KCNJ4: variants seen among roughly 807,000 people sequenced by gnomAD.
KCNJ4 encodes inward rectifier potassium channel 4.
KCNJ4 carries 3 observed loss-of-function variants against 25.6 expected under a neutral mutation model. That is an observed-to-expected ratio of 0.12 (90% CI 0.05 to 0.30). The LOEUF (loss-of-function observed/expected upper bound fraction) is 0.30. KCNJ4 is among the 10% of genes least tolerant of loss of function. The pLI, the probability that KCNJ4 is intolerant of heterozygous loss-of-function variation, is 1.00. For missense variants in KCNJ4, 286 were observed against 666.8 expected (o/e 0.43, Z 6.29); for synonymous variants, 257 against 283.9 (o/e 0.91, Z 0.95).
intron 1 of KCNJ4, among the ~76,000 whole-genome samples, chr22:38,436,663 CATCGCA>C (rs1275157578): frequency 6.6e-6 from 1 of 152,200 alleles, no homozygotes; most frequent in Non-Finnish European, 1.5e-5. Context: ...AGCCCTCTGA[CATCGCA>C]AAAATTCAGG....
chr22:38,453,097 C>T (rs868686464), intron 1 of KCNJ4, among the ~76,000 whole-genome samples: 6 of 152,022 alleles, frequency 3.9e-5, no homozygotes, highest in Middle Eastern at 3.4e-3. Context: ...TCCTCCTCCC[C>T]TTCCTTCTTA....
rs1399107084 is a variant in KCNJ4, at chr22:38,455,192, C to T, written c.-252G>A. On this transcript the variant is annotated 5_prime_UTR_variant, in exon 1 of 2. Coordinates refer to ENST00000303592, the MANE Select transcript of KCNJ4 (RefSeq NM_152868.3). The stretch of plus-strand genomic sequence containing the variant: ...CTCCGCGCGTCCCGGCCGTCCCGCG[C>T]CGCTCCCCGCGGGCCGCCCAACTTT... 1 of 148,062 alleles carries T rather than the reference C, an allele frequency of 6.8e-6. No individual in the cohort carries two copies. Among genetic ancestry groups the T allele is most frequent in the Non-Finnish European group, 1.5e-5 (1 of 66,554 alleles). The allele number at this position is 148,062 out of a possible 1,614,324, so 9.2% of individuals were successfully genotyped here. A position where few individuals can be genotyped will look rare whatever the true frequency, so the allele number is the denominator to read the frequency against.
chr22:38,446,242 GC>G (rs1485042793), intron 1 of KCNJ4, among the ~76,000 whole-genome samples: 8 of 152,364 alleles, frequency 5.3e-5, no homozygotes, highest in African/African-American at 1.9e-4. Flanking sequence ...CTGTCCTCTA[GC>G]CTGTTGTCTC....
At chr22:38,434,185 G>C (rs989836479) in intron 1 of KCNJ4, among the ~76,000 whole-genome samples, 1 of 152,192 alleles carries the variant, frequency 6.6e-6, no homozygotes, top group Non-Finnish European at 1.5e-5. Context: ...GTGCCAGCCT[G>C]CCAGGTTGTC....
chr22:38,443,393 CTG>C lies in KCNJ4; in HGVS notation c.-40+11585_-40+11586del, dbSNP rs1376786096. Among the ~76,000 whole-genome samples, 1 of 152,138 alleles carries C rather than the reference CTG, an allele frequency of 6.6e-6. No individual in the cohort carries two copies. The highest frequency in any genetic ancestry group is 1.5e-5 in the Non-Finnish European group (1 of 68,014). On this transcript the variant is annotated intron_variant, in intron 1 of 1. Transcript: ENST00000303592. The surrounding 1 kb of genome is among the most constrained non-coding windows in gnomAD (Gnocchi z 4.1). ...TACAAGCCCACTTGGCTCCTGCTCC[CTG>C]TGTCTGCTGGACAGTGAAGAGGCAT...
intron 1 of KCNJ4, among the ~76,000 whole-genome samples, chr22:38,435,106 T>C (rs1304423351): frequency 1.3e-5 from 2 of 152,220 alleles, no homozygotes; most frequent in African/African-American, 4.8e-5. Context: ...CTTCCCTCTG[T>C]CTGCAAGATG....
chr22:38,434,627 A>G lies in KCNJ4; in HGVS notation c.-39-6456T>C, dbSNP rs901947512. Among the ~76,000 whole-genome samples, 7 of 152,078 alleles carry G rather than the reference A, an allele frequency of 4.6e-5. No homozygotes were observed. The South Asian group carries it at 1.5e-3, about 32-fold the overall frequency. ...GCTTCGGGACCCCTTCTCCTGCCAC[A>G]TCACCCTGCTCAACCTGGGACCCCC... On this transcript the variant is annotated intron_variant, in intron 1 of 1. Coordinates refer to ENST00000303592, the MANE Select transcript of KCNJ4 (RefSeq NM_152868.3).
At chr22:38,430,951 G>A (rs1248420811) in intron 1 of KCNJ4, among the ~76,000 whole-genome samples, 1 of 152,216 alleles carries the variant, frequency 6.6e-6, no homozygotes, top group African/African-American at 2.4e-5. Context: ...CCACCCCAGA[G>A]CTCCTCATCC....
rs1381470248 is a variant in KCNJ4, at chr22:38,428,090, G to A, written c.43C>T (p.Arg15Trp). The change falls in exon 2 of 2, where the codon CGG (arginine) becomes TGG (tryptophan). Residue 15 changes from arginine (R) to tryptophan (W), a missense_variant. Arg to Trp is a moderately radical substitution (Grantham distance 101, BLOSUM62 -3). Around this residue, in one of 11 missense-constraint regions of KCNJ4, gnomAD observed 32 missense variants for 38.4 expected, o/e 0.83. Transcript: ENST00000303592. ...TTGACGAAGCGGTTGCGGCGCTTCC[G>A]CCGGGGCACGTGGGCCTGGCCGTTG... is the stretch of plus-strand genomic sequence containing the variant. Reference protein sequence around the residue: ...SRNGQAHVPRRKRRNRFVKKN... With the variant: ...SRNGQAHVPRWKRRNRFVKKN... 10 of 1,613,526 alleles carry A rather than the reference G, an allele frequency of 6.2e-6. No homozygotes were observed. The highest frequency in any genetic ancestry group is 4.5e-5 in the East Asian group (2 of 44,890).
chr22:38,452,699 C>G (rs564922313), intron 1 of KCNJ4, among the ~76,000 whole-genome samples: 2 of 152,010 alleles, frequency 1.3e-5, no homozygotes, highest in African/African-American at 4.8e-5. Context: ...CAGAGAGGAG[C>G]CTGGGGTGGT....
At chr22:38,429,596 A>G (rs1169671545) in intron 1 of KCNJ4, among the ~76,000 whole-genome samples, 1 of 152,142 alleles carries the variant, frequency 6.6e-6, no homozygotes, top group Non-Finnish European at 1.5e-5. Context: ...CACACTTCCC[A>G]GGAGCTGGTG....
rs559177291 is a variant in KCNJ4 at position 38,433,183 on chromosome 22, C to G, written c.-39-5012G>C. ...TTATTATTGGCCGGGTGCGGTGGCT[C>G]ACGCCTGTAATCCCAGCACTTTGGG... On this transcript the variant is annotated intron_variant, in intron 1 of 1. Coordinates refer to ENST00000303592, the MANE Select transcript of KCNJ4 (RefSeq NM_152868.3). Among the ~76,000 whole-genome samples, 7 of 152,272 alleles carry G rather than the reference C, an allele frequency of 4.6e-5. No homozygotes were observed. In the South Asian group the frequency reaches 1.4e-3, roughly 32 times the overall value.
At chr22:38,445,595 C>T (rs534901267) in intron 1 of KCNJ4, among the ~76,000 whole-genome samples, 3 of 152,312 alleles carry the variant, frequency 2.0e-5, no homozygotes, top group Admixed American at 6.5e-5. Flanking sequence ...CCTCCCGCCT[C>T]GGCCTCCCAA....
chr22:38,448,455 T>G (rs2089390645), intron 1 of KCNJ4, among the ~76,000 whole-genome samples: 1 of 152,078 alleles, frequency 6.6e-6, no homozygotes, highest in Admixed American at 6.5e-5. Context: ...GGGGCTGAGC[T>G]GGGATTCGAT....
chr22:38,430,910 A>C (rs1415143492), intron 1 of KCNJ4, among the ~76,000 whole-genome samples: 2 of 152,232 alleles, frequency 1.3e-5, no homozygotes, highest in Admixed American at 6.5e-5. Context: ...GAGTGGAGCC[A>C]GGTGGGCCAG....
intron 1 of KCNJ4, among the ~76,000 whole-genome samples, chr22:38,452,780 C>T (rs2089417771): frequency 6.6e-6 from 1 of 151,850 alleles, no homozygotes; most frequent in Admixed American, 6.6e-5. Flanking sequence ...CCATCTCTTC[C>T]CCAGCTAGCC....
At chr22:38,430,795 G>A (rs1460195224) in intron 1 of KCNJ4, among the ~76,000 whole-genome samples, 4 of 152,298 alleles carry the variant, frequency 2.6e-5, no homozygotes, top group South Asian at 2.1e-4. Context: ...GGGGCACCGC[G>A]GACTGTCAGG....
chr22:38,431,051 T>C (rs1186502045), intron 1 of KCNJ4, among the ~76,000 whole-genome samples: 1 of 152,202 alleles, frequency 6.6e-6, no homozygotes, highest in African/African-American at 2.4e-5. Context: ...TCCACAGGTG[T>C]GCAGGATAGA....
At chr22:38,450,203 C>T (rs1435738296) in intron 1 of KCNJ4, among the ~76,000 whole-genome samples, 5 of 152,172 alleles carry the variant, frequency 3.3e-5, no homozygotes, top group East Asian at 1.9e-4. Context: ...GGGCTGAGTC[C>T]GCAGAGGAGG....
Sources: allele counts gnomAD v4.1 joint callset (sites outside exome capture counted in the v4.1 genomes callset), GRCh38; gene constraint gnomAD v4.1.1; regional missense constraint gnomAD v4.1.1; non-coding constraint Gnocchi (gnomAD v3.1); transcripts MANE v1.5; gene names NCBI Gene and HGNC (gene_info 2026-07-23, HGNC 2026-07-21).